The following NHSL2 variants were observed in gnomAD, a reference collection of about 807,000 sequenced individuals.
The protein encoded by NHSL2 is NHS like 2.
NHSL2 carries 27 observed loss-of-function variants against 53.4 expected under a neutral mutation model. The observed-to-expected ratio is 0.51, with a 90% CI of 0.37 to 0.70. The LOEUF is 0.70. NHSL2 is among the 30% of genes least tolerant of loss of function. NHSL2 has a pLI of 0.00. For synonymous variants in NHSL2, 408 were observed against 404.1 expected (o/e 1.01, Z -0.12); for missense variants, 892 against 980.1 (o/e 0.91, Z 1.20).
intron 1 of NHSL2, chrX:72,069,655 G>A (rs775252954): frequency 3.2e-5 from 30 of 934,211 alleles, no homozygotes; most frequent in Admixed American, 1.2e-4. Flanking sequence ...AGGTGGCAGC[G>A]GCCGCCGCGG....
chrX:71,920,825 G>A (rs1181619373), intron 1 of NHSL2, among the ~76,000 whole-genome samples: 1 of 109,627 alleles, frequency 9.1e-6, no homozygotes, highest in African/African-American at 3.4e-5. Flanking sequence ...TTTTTTTTGA[G>A]ACTGAGTCTT....
At position 71,988,437 on chromosome X, in the gene NHSL2, T is replaced by A. The variant is rs760402367; in HGVS notation, c.280+77070T>A. On this transcript the variant is annotated intron_variant, in intron 1 of 7. Coordinates refer to ENST00000633930, the MANE Select transcript of NHSL2 (RefSeq NM_001013627.3). ...AAACTCGTTCTTAGTCGAGAGGGACTTTACTGAGAGGGATCTCCAACCCCC... is the reference window on the plus strand; with the variant it reads ...AAACTCGTTCTTAGTCGAGAGGGACATTACTGAGAGGGATCTCCAACCCCC... Among the ~76,000 whole-genome samples the A allele has an allele frequency of 3.6e-5, 4 of 111,542 alleles. No homozygotes were observed. The East Asian group carries it at 1.1e-3, about 32-fold the overall frequency.
chrX:71,911,344 C>G lies in NHSL2; in HGVS notation c.257C>G (p.Pro86Arg). 9.1e-7 allele frequency: 1 copy of G among 1,098,995 alleles called. No individual in the cohort carries two copies. Among genetic ancestry groups the G allele is most frequent in the Non-Finnish European group, 1.2e-6 (1 of 841,730 alleles). 90.6% of individuals were successfully genotyped at this position (1,098,995 alleles called of 1,213,427 possible). Residue 86 changes from proline (P) to arginine (R), a missense_variant, in exon 1 of 8, where the codon CCG becomes CGG. By Grantham distance (103) the Pro-to-Arg change is moderately radical. Transcript: ENST00000633930. ...CGCCTTCCCTGCCGCCTGCTTGGCC[C>G]GGAGGAGGACGAGGAAGAGCTAGGT... ...RRRLPCRLLGPEEDEEELAAA... is the reference protein window; with the variant it reads ...RRRLPCRLLGREEDEEELAAA...
chrX:71,993,507 A>C (rs993960920), intron 1 of NHSL2, among the ~76,000 whole-genome samples: 2 of 111,381 alleles, frequency 1.8e-5, no homozygotes, highest in Non-Finnish European at 3.8e-5. Flanking sequence ...TCACAAGGAG[A>C]GCTCTTGAGT....
chrX:71,952,135 T>C (rs1446359527), intron 1 of NHSL2, among the ~76,000 whole-genome samples: 1 of 112,509 alleles, frequency 8.9e-6, no homozygotes, highest in Admixed American at 9.4e-5. Flanking sequence ...CTATGCCTTC[T>C]TAGAAACTTG....
intron 1 of NHSL2, among the ~76,000 whole-genome samples, chrX:72,085,266 A>G (rs780213642): frequency 8.9e-6 from 1 of 112,140 alleles, no homozygotes; most frequent in African/African-American, 3.2e-5. Context: ...AGACACATGC[A>G]GTTCTTTGCT....
At chrX:71,942,972 C>CTGTGTG (rs58935869) in intron 1 of NHSL2, among the ~76,000 whole-genome samples, 35 of 74,033 alleles carry the variant, frequency 4.7e-4, no homozygotes, top group African/African-American at 1.8e-3. Context: ...CTCTCTCTCT[C>CTGTGTG]TGTGTGTGTG....
chrX:72,002,043 G>T (rs2042074770), intron 1 of NHSL2, among the ~76,000 whole-genome samples: 1 of 112,718 alleles, frequency 8.9e-6, no homozygotes, highest in South Asian at 3.6e-4. Context: ...GTAGCAATTA[G>T]TAATCTTTCC....
At chrX:72,065,256 A>G (rs1223057505) in intron 1 of NHSL2, among the ~76,000 whole-genome samples, 1 of 111,770 alleles carries the variant, frequency 8.9e-6, no homozygotes, top group Non-Finnish European at 1.9e-5. Context: ...ATGGGCAGAC[A>G]CTAACTGAGT....
At chrX:72,116,337 T>C (rs1449138522) in intron 1 of NHSL2, among the ~76,000 whole-genome samples, 2 of 112,210 alleles carry the variant, frequency 1.8e-5, no homozygotes, top group Non-Finnish European at 3.8e-5. Flanking sequence ...TTTCCTGTGA[T>C]TTGATAAGTA....
At chrX:72,052,378 G>A (rs1012253302) in intron 1 of NHSL2, among the ~76,000 whole-genome samples, 10 of 112,584 alleles carry the variant, frequency 8.9e-5, no homozygotes, top group South Asian at 3.6e-4. Flanking sequence ...ATGGCAGGTC[G>A]GGCATTAAAA....
chrX:72,118,355 T>C (rs189621564), intron 1 of NHSL2, among the ~76,000 whole-genome samples: 14 of 112,441 alleles, frequency 1.2e-4, no homozygotes, highest in African/African-American at 3.9e-4. Context: ...ATTTGTAAGA[T>C]ATTTTTATAT....
At chrX:71,989,457 T>A in intron 1 of NHSL2, among the ~76,000 whole-genome samples, 1 of 111,067 alleles carries the variant, frequency 9.0e-6, no homozygotes, top group Non-Finnish European at 1.9e-5. Context: ...TTAATCCTTA[T>A]CGTAGTCCTG....
Position 72,018,717 on chromosome X carries a change from C to T in NHSL2, c.280+107350C>T, listed in dbSNP as rs1359425810. Among the ~76,000 whole-genome samples, 5 of 112,561 alleles carry T rather than the reference C, an allele frequency of 4.4e-5. No homozygotes were observed. The East Asian group carries it at 1.1e-3, about 26-fold the overall frequency. On this transcript the variant is annotated intron_variant, in intron 1 of 7. Coordinates refer to ENST00000633930, the MANE Select transcript of NHSL2 (RefSeq NM_001013627.3). ...AAGCAGCCGGGCCCCCGCCCGCCCT[C>T]CTCCCCCGCCCCGCGGAGTGGCGGC...
At chrX:72,016,618 C>A (rs757702970) in intron 1 of NHSL2, among the ~76,000 whole-genome samples, 5 of 111,188 alleles carry the variant, frequency 4.5e-5, no homozygotes, top group African/African-American at 1.6e-4. Context: ...GGGGCCTGCA[C>A]GAAAGATGTT....
In NHSL2 at chrX:72,028,181, G is replaced by A. The variant is rs1016913190; in HGVS notation, c.281-103898G>A. On this transcript the variant is annotated intron_variant, in intron 1 of 7. Coordinates refer to ENST00000633930, the MANE Select transcript of NHSL2 (RefSeq NM_001013627.3). ...CAGCTGCATGTGCAGTGGGCCAGGA[G>A]CCACTCAAGGTCTTCTTGGGCTTAC... 9.8e-5 allele frequency among the ~76,000 whole-genome samples: 11 copies of A among 112,646 alleles called. No homozygotes were observed. The South Asian group carries it at 1.8e-3, about 19-fold the overall frequency.
intron 7 of NHSL2, among the ~76,000 whole-genome samples, 184 bp downstream of exon 7, chrX:72,142,548 T>C (rs1253931650): frequency 1.8e-5 from 2 of 111,432 alleles, no homozygotes; most frequent in Non-Finnish European, 3.8e-5. Context: ...GATACCCACA[T>C]ATGTGAGCGC....
intron 6 of NHSL2, 81 bp from the exon 7 acceptor site, chrX:72,142,151 A>T (rs2042423130): frequency 1.2e-6 from 1 of 813,599 alleles, no homozygotes; most frequent in Non-Finnish European, 1.7e-6. Flanking sequence ...TGCTTTCACC[A>T]TCAAATGAAA....
intron 1 of NHSL2, among the ~76,000 whole-genome samples, chrX:72,091,322 T>C (rs937798884): frequency 1.1e-4 from 12 of 111,194 alleles, no homozygotes; most frequent in East Asian, 2.8e-4. Context: ...GGCGTGGTGG[T>C]GGGCGCCTGT....
Sources: gnomAD v4.1 joint callset for allele counts (sites outside exome capture counted in the v4.1 genomes callset) on GRCh38, gnomAD v4.1.1 for gene constraint, MANE v1.5 for transcripts, NCBI Gene and HGNC (gene_info 2026-07-23, HGNC 2026-07-21) for gene names.